Variants in KCNN2 observed in about 807,000 individuals in gnomAD.
KCNN2 encodes small conductance calcium-activated potassium channel protein 2.
KCNN2 carries 24 observed loss-of-function variants against 55.5 expected under a neutral mutation model. The ratio of observed to expected loss-of-function variants is 0.43; its 90% CI spans 0.31 to 0.61. KCNN2 has a LOEUF of 0.61. Ranked by LOEUF, KCNN2 falls within the 20% of genes least tolerant of loss-of-function variation. The pLI is 0.08. For synonymous variants in KCNN2, 431 were observed against 336.1 expected, an observed-to-expected ratio of 1.28 and a Z score of -3.09; for missense variants, 754 against 853.6, an observed-to-expected ratio of 0.88 and a Z score of 1.45.
intron 1 of KCNN2, among the ~76,000 whole-genome samples, chr5:114,061,577 G>T (rs932132577): frequency 1.1e-4 from 17 of 151,964 alleles, no homozygotes; most frequent in African/African-American, 3.9e-4. Flanking sequence ...GATCTAGTTT[G>T]CCACCTTTGT....
At chr5:114,349,866 G>A (rs1047414511) in intron 2 of KCNN2, among the ~76,000 whole-genome samples, 7 of 151,924 alleles carry the variant, frequency 4.6e-5, no homozygotes, top group African/African-American at 1.4e-4. Context: ...ACATTCCCAC[G>A]AGCAGTGTGT....
intron 1 of KCNN2, among the ~76,000 whole-genome samples, chr5:114,158,820 A>G (rs950514035): frequency 1.1e-4 from 16 of 152,218 alleles, no homozygotes; most frequent in Non-Finnish European, 2.4e-4. Flanking sequence ...TTATTGGTGT[A>G]TAAGAATGCT....
intron 1 of KCNN2, among the ~76,000 whole-genome samples, chr5:114,106,571 T>C (rs1480971579): frequency 1.3e-5 from 2 of 151,740 alleles, no homozygotes; most frequent in East Asian, 1.9e-4. Context: ...TTTTAATAGA[T>C]GGATATCATG....
intron 3 of KCNN2, 50 bp downstream of exon 3, chr5:114,404,906 A>G: frequency 2.0e-6 from 3 of 1,511,408 alleles, no homozygotes; most frequent in Non-Finnish European, 2.7e-6. Flanking sequence ...TGGTATCTTC[A>G]CAAGTAAGAA....
At chr5:114,127,412 G>A (rs1412377879) in intron 1 of KCNN2, among the ~76,000 whole-genome samples, 1 of 152,130 alleles carries the variant, frequency 6.6e-6, no homozygotes, top group Non-Finnish European at 1.5e-5. Flanking sequence ...AACAACACGT[G>A]GAAGCTTGCA....
At chr5:114,124,942 C>A (rs1751900785) in intron 1 of KCNN2, among the ~76,000 whole-genome samples, 2 of 152,130 alleles carry the variant, frequency 1.3e-5, no homozygotes, top group Admixed American at 6.6e-5. Flanking sequence ...TTTTCCTTCT[C>A]ATTCACCAGA....
At chr5:114,480,727 A>C (rs547484777) in intron 5 of KCNN2, among the ~76,000 whole-genome samples, 105 of 152,318 alleles carry the variant, frequency 6.9e-4, no homozygotes, top group Non-Finnish European at 1.1e-3. Flanking sequence ...CAAATCAATA[A>C]ATGTGATTCA....
At chr5:114,092,557 C>G (rs1046473981) in intron 1 of KCNN2, among the ~76,000 whole-genome samples, 1 of 152,174 alleles carries the variant, frequency 6.6e-6, no homozygotes, top group Non-Finnish European at 1.5e-5. Context: ...TGTGGGGGCT[C>G]TGACCCCACA....
At chr5:114,300,597 G>A (rs1353217341) in intron 2 of KCNN2, among the ~76,000 whole-genome samples, 2 of 152,160 alleles carry the variant, frequency 1.3e-5, no homozygotes, top group African/African-American at 4.8e-5. Flanking sequence ...GTAGAAGTTT[G>A]ATAAGAAGAA....
intron 1 of KCNN2, among the ~76,000 whole-genome samples, chr5:114,161,830 C>T (rs1428711650): frequency 6.6e-6 from 1 of 152,222 alleles, no homozygotes; most frequent in Non-Finnish European, 1.5e-5. Context: ...ACGTGGTTCT[C>T]ATGCCATGGT....
intron 1 of KCNN2, among the ~76,000 whole-genome samples, chr5:114,161,023 A>T (rs575432508): frequency 2.3e-4 from 35 of 152,236 alleles, no homozygotes; most frequent in African/African-American, 8.2e-4. Flanking sequence ...TTGTATTGTT[A>T]TGTGTGAATT....
chr5:114,387,747 A>C (rs1000062411), intron 2 of KCNN2, among the ~76,000 whole-genome samples: 4 of 152,104 alleles, frequency 2.6e-5, no homozygotes, highest in African/African-American at 9.7e-5. Flanking sequence ...CTCTATCTAC[A>C]TCCTGTAGCT....
chr5:114,352,835 G>A (rs529034030), intron 2 of KCNN2, among the ~76,000 whole-genome samples: 1 of 151,846 alleles, frequency 6.6e-6, no homozygotes, highest in Non-Finnish European at 1.5e-5. Flanking sequence ...AATGTTCCTT[G>A]TGCACGTGAG....
At chr5:114,225,408 TAGAAC>T (rs1754220870) in intron 2 of KCNN2, among the ~76,000 whole-genome samples, 2 of 152,118 alleles carry the variant, frequency 1.3e-5, no homozygotes, top group Non-Finnish European at 2.9e-5. Flanking sequence ...TCTAAGCACA[TAGAAC>T]AGAAAAGGTG....
chr5:114,155,824 G>T (rs1234783506), intron 1 of KCNN2, among the ~76,000 whole-genome samples: 1 of 152,176 alleles, frequency 6.6e-6, no homozygotes, highest in Non-Finnish European at 1.5e-5. Context: ...CTCGCATCCT[G>T]TAGGTTGTCT....
chr5:114,142,894 G>A (rs1019625249), intron 1 of KCNN2, among the ~76,000 whole-genome samples: 1 of 152,184 alleles, frequency 6.6e-6, no homozygotes, highest in Non-Finnish European at 1.5e-5. Flanking sequence ...CCAAAAAAGA[G>A]CCCGCATTGA....
chr5:114,130,970 A>G (rs1441459488), intron 1 of KCNN2, among the ~76,000 whole-genome samples: 3 of 152,254 alleles, frequency 2.0e-5, no homozygotes, highest in African/African-American at 7.2e-5. Flanking sequence ...AAACTATGGT[A>G]AATGAGCAAA....
chr5:114,181,312 G>A (rs2112553521), intron 1 of KCNN2, among the ~76,000 whole-genome samples: 1 of 152,248 alleles, frequency 6.6e-6, no homozygotes, highest in South Asian at 2.1e-4. Context: ...TGTATGTGTA[G>A]TATCACCTTG....
intron 1 of KCNN2, among the ~76,000 whole-genome samples, chr5:114,181,022 A>G (rs1753227123): frequency 6.6e-6 from 1 of 152,178 alleles, no homozygotes; most frequent in African/African-American, 2.4e-5. Context: ...ATGTTTATCT[A>G]ATTTCTTATT....
Sources: gnomAD v4.1 joint callset for allele counts (sites outside exome capture counted in the v4.1 genomes callset) on GRCh38, gnomAD v4.1.1 for gene constraint, MANE v1.5 for transcripts, NCBI Gene and HGNC (gene_info 2026-07-23, HGNC 2026-07-21) for gene names.